The following ATP13A5 variants were observed in gnomAD, a reference collection of about 807,000 sequenced individuals.
ATP13A5 encodes the protein ATPase 13A5.
Under a neutral mutation model 150.2 loss-of-function variants are expected in ATP13A5, and 149 were observed. The observed-to-expected ratio is 0.99, with a 90% CI of 0.87 to 1.14. The LOEUF (loss-of-function observed/expected upper bound fraction) is 1.14. Ranked by LOEUF, ATP13A5 falls within the 50% of genes most tolerant of loss-of-function variation. The pLI, the probability that ATP13A5 is intolerant of heterozygous loss-of-function variation, is 0.00. For synonymous variants in ATP13A5, 497 were observed against 522.2 expected (o/e 0.95, Z 0.66); for missense variants, 1,383 against 1,449.3 (o/e 0.95, Z 0.74).
chr3:193,333,801 G>A lies in ATP13A5; in HGVS notation c.1221C>T (p.Cys407=). 1.2e-6 allele frequency: 2 copies of A among 1,613,866 alleles called. No homozygotes were observed. Among genetic ancestry groups the A allele is most frequent in the Non-Finnish European group, 1.7e-6 (2 of 1,179,878 alleles). ...DAFKFIVFLA[C]LGVMGFFYAL... Reference sequence around the variant, plus strand: ...CATAGAAAAAACCCATGACACCAAGGCAGGCCAGGAACACGATGAACTTGA... The same window carrying A: ...CATAGAAAAAACCCATGACACCAAGACAGGCCAGGAACACGATGAACTTGA... Residue 407 remains cysteine (C), a synonymous_variant, in exon 11 of 30, where the codon TGC becomes TGT. Coordinates refer to ENST00000342358, the MANE Select transcript of ATP13A5 (RefSeq NM_198505.4).
rs1436152172 is a variant in ATP13A5, at chr3:193,305,610, G to A, written c.2627C>T (p.Ser876Phe). 3 of 1,613,860 alleles carry A rather than the reference G, an allele frequency of 1.9e-6. No individual in the cohort carries two copies. In the Admixed American group the frequency reaches 5.0e-5, roughly 27 times the overall value. The change falls in exon 23 of 30, where the codon TCC becomes TTC. Residue 876 changes from serine to phenylalanine, a missense_variant. Ser to Phe is a radical substitution (Grantham distance 155). Coordinates refer to ENST00000342358, the MANE Select transcript of ATP13A5 (RefSeq NM_198505.4). ...GTTGGTTGTTTTAGAGGTAAAAGGG[G>A]ATGCCACAGATGCTTCCTGCTCTGA... is the stretch of plus-strand genomic sequence containing the variant. The part of the protein sequence containing the change: ...SLSEQEASVA[S>F]PFTSKTTNIQ...
At chr3:193,333,158 AAC>A (rs1198722710) in intron 11 of ATP13A5, among the ~76,000 whole-genome samples, 1 of 143,648 alleles carries the variant, frequency 7.0e-6, no homozygotes, top group African/African-American at 2.7e-5. Context: ...CACACACACA[AAC>A]ACACACACAC....
intron 13 of ATP13A5, among the ~76,000 whole-genome samples, chr3:193,326,386 C>A (rs1719467590): frequency 6.6e-6 from 1 of 152,096 alleles, no homozygotes; most frequent in Non-Finnish European, 1.5e-5. Flanking sequence ...GCTTTTAGCC[C>A]ACAGCTGTAA....
Position 193,276,886 on chromosome 3 carries a change from G to C in ATP13A5, c.3316-56C>G. On this transcript the variant is annotated intron_variant, in intron 28 of 29. Coordinates refer to ENST00000342358, the MANE Select transcript of ATP13A5 (RefSeq NM_198505.4). ...TTGCACACTTCACACTTTGAAAAAA[G>C]ACCATATTAATTATTTAATTTATAG... 3 of 1,221,982 alleles carry C rather than the reference G, an allele frequency of 2.5e-6. No homozygotes were observed. In the Admixed American group the frequency reaches 6.2e-5, roughly 25 times the overall value. 75.7% of individuals were successfully genotyped at this position (1,221,982 alleles called of 1,614,324 possible).
Position 193,301,230 on chromosome 3 carries a change from C to T in ATP13A5, c.2756G>A (p.Ser919Asn). 1 of 1,613,144 alleles carries T rather than the reference C, an allele frequency of 6.2e-7. No individual in the cohort carries two copies. The highest frequency in any genetic ancestry group is 8.5e-7 in the Non-Finnish European group (1 of 1,179,372). The change falls in exon 24 of 30, where the codon AGT becomes AAT. Residue 919 changes from serine (S) to asparagine (N), a missense_variant. By Grantham distance (46) the Ser-to-Asn change is conservative (BLOSUM62 1). Transcript: ENST00000342358. ...LTMYGIIQFI[S>N]ALLLYWQLQL... ...TCATACCCAATAGAGCAGTAATGCA[C>T]TGATAAACTGGATTATGCCGTACAT...
intron 10 of ATP13A5, among the ~76,000 whole-genome samples, chr3:193,334,468 A>C (rs1476926603): frequency 1.3e-5 from 2 of 152,224 alleles, no homozygotes; most frequent in Non-Finnish European, 2.9e-5. Flanking sequence ...AAGTCAATAC[A>C]GGAGGATGAA....
intron 26 of ATP13A5, among the ~76,000 whole-genome samples, chr3:193,285,438 C>T (rs1304555372): frequency 2.6e-5 from 4 of 152,118 alleles, no homozygotes; most frequent in Non-Finnish European, 5.9e-5. Flanking sequence ...TTTTCTCTTT[C>T]GTGGACTAAA....
In ATP13A5 at chr3:193,286,988, G is replaced by A. The variant is rs140379980; in HGVS notation, c.3024-1872C>T. The stretch of plus-strand genomic sequence containing the variant: ...TATTGCTGATATGAAGAAAATTTTA[G>A]TGGTCTGGGTAGTGGATCAAACCAG... On this transcript the variant is annotated intron_variant, in intron 26 of 29. Coordinates refer to ENST00000342358, the MANE Select transcript of ATP13A5 (RefSeq NM_198505.4). Among the ~76,000 whole-genome samples, 743 of 152,250 alleles carry A rather than the reference G, an allele frequency of 4.9e-3. 7 individuals carry two copies. The highest frequency in any genetic ancestry group is 0.017 in the African/African-American group (708 of 41,546).
In ATP13A5 at chr3:193,276,801, A is replaced by G. The variant is rs764718436; in HGVS notation, c.3345T>C (p.Val1115=). The G allele has an allele frequency of 6.2e-7, 1 of 1,613,796 alleles. No individual in the cohort carries two copies. Among genetic ancestry groups the G allele is most frequent in the Non-Finnish European group, 8.5e-7 (1 of 1,179,800 alleles). The change falls in exon 29 of 30, where the codon GTT becomes GTC. Residue 1115 remains valine (V), a synonymous_variant. Coordinates refer to ENST00000342358, the MANE Select transcript of ATP13A5 (RefSeq NM_198505.4). ...GGGTGAGGGCTACCACCAAAATTAA[A>G]ACCCTCCACGATGTTATGGTTGGGA... ...ELIPTITSWR[V]LILVVALTQF...
chr3:193,278,010 G>A (rs1226638353), intron 28 of ATP13A5, among the ~76,000 whole-genome samples: 1 of 152,072 alleles, frequency 6.6e-6, no homozygotes, highest in Non-Finnish European at 1.5e-5. Context: ...TACCATGTTG[G>A]CCAGGCTGGT....
At chr3:193,307,281 G>A in intron 22 of ATP13A5, 46 bp downstream of exon 22, 2 of 1,613,192 alleles carry the variant, frequency 1.2e-6, no homozygotes, top group South Asian at 1.1e-5. Context: ...TCCTCCAGAG[G>A]GATATTAGTG....
intron 5 of ATP13A5, among the ~76,000 whole-genome samples, chr3:193,357,979 A>T (rs1277600002): frequency 6.6e-6 from 1 of 152,112 alleles, no homozygotes; most frequent in African/African-American, 2.4e-5. Context: ...TCATTCATTC[A>T]TTCAATTAAC....
Position 193,362,370 on chromosome 3 carries a change from A to G in ATP13A5, c.536+11T>C, listed in dbSNP as rs778006897. 3 of 1,612,022 alleles carry G rather than the reference A, an allele frequency of 1.9e-6. No individual in the cohort carries two copies. The highest frequency in any genetic ancestry group is 3.3e-4 in the Middle Eastern group (2 of 6,056). ...GCAGAGTTTACTCTTAAGGCATATA[A>G]TAAGTCCTACCTGACCTCTTGCTCT... On this transcript the variant is annotated intron_variant, in intron 5 of 29. Coordinates refer to ENST00000342358, the MANE Select transcript of ATP13A5 (RefSeq NM_198505.4).
In ATP13A5 at chr3:193,274,888, G is replaced by C; in HGVS notation, c.*154C>G. 1 of 1,057,030 alleles carries C rather than the reference G, an allele frequency of 9.5e-7. No individual in the cohort carries two copies. The highest frequency in any genetic ancestry group is 1.4e-6 in the Non-Finnish European group (1 of 722,352). The allele number at this position is 1,057,030 out of a possible 1,614,324, so 65.5% of individuals were successfully genotyped here. On this transcript the variant is annotated 3_prime_UTR_variant, in exon 30 of 30. Transcript: ENST00000342358. ...ATACAGTCAGAATAAGCCTATCTAA[G>C]GTCCCTTGCTGCAAGGTTTAATTCA...
intron 1 of ATP13A5, among the ~76,000 whole-genome samples, chr3:193,377,661 C>T (rs760977893): frequency 7.9e-5 from 12 of 152,096 alleles, no homozygotes; most frequent in Admixed American, 1.3e-4. Flanking sequence ...GAGGGAGAGC[C>T]GGTATGGATT....
At chr3:193,342,382 A>G (rs913641107) in intron 9 of ATP13A5, among the ~76,000 whole-genome samples, 3 of 152,204 alleles carry the variant, frequency 2.0e-5, no homozygotes, top group Non-Finnish European at 4.4e-5. Flanking sequence ...GGGAGGATCT[A>G]TGTAGGCTGT....
intron 23 of ATP13A5, among the ~76,000 whole-genome samples, chr3:193,305,088 C>A (rs1176639984): frequency 1.3e-5 from 2 of 152,168 alleles, no homozygotes; most frequent in Non-Finnish European, 2.9e-5. Context: ...CATATCACTT[C>A]CCCTTCCCTG....
At chr3:193,277,444 GCTAGTTACACAGCCTTTTTT>G (rs1717273153) in intron 28 of ATP13A5, among the ~76,000 whole-genome samples, 1 of 152,124 alleles carries the variant, frequency 6.6e-6, no homozygotes, top group Admixed American at 6.5e-5. Context: ...ATAGCAAAAG[GCTAGTTACACAGCCTTTTTT>G]CTGAGACCCC....
At chr3:193,278,614 G>A (rs1468497716) in intron 28 of ATP13A5, among the ~76,000 whole-genome samples, 1 of 152,012 alleles carries the variant, frequency 6.6e-6, no homozygotes, top group African/African-American at 2.4e-5. Context: ...CTCCTACCTG[G>A]CAAAATGTGG....
Sources: gnomAD v4.1 joint callset for allele counts (sites outside exome capture counted in the v4.1 genomes callset) on GRCh38, gnomAD v4.1.1 for gene constraint, MANE v1.5 for transcripts, NCBI Gene and HGNC (gene_info 2026-07-23, HGNC 2026-07-21) for gene names.